The following CTNNA3 variants were observed in gnomAD, a reference collection of about 807,000 sequenced individuals.
CTNNA3 encodes the protein catenin alpha 3.
In CTNNA3, 76 loss-of-function variants were observed where a neutral mutation model predicts 95.7. That is an observed-to-expected ratio of 0.79 (90% confidence interval 0.66 to 0.96). The LOEUF is 0.96. Ranked by LOEUF, CTNNA3 falls within the 40% of genes least tolerant of loss-of-function variation. The probability of loss-of-function intolerance (pLI) is 0.00; values close to 1 mark genes in which losing one functional copy is unlikely to be tolerated. For missense variants in CTNNA3, 1,191 were observed against 1,089.8 expected (o/e 1.09, Z -1.31); for synonymous variants, 431 against 374.4 (o/e 1.15, Z -1.74).
intron 3 of CTNNA3, among the ~76,000 whole-genome samples, chr10:67,601,662 C>T (rs1488090238): frequency 6.6e-6 from 1 of 152,150 alleles, no homozygotes; most frequent in East Asian, 1.9e-4. Context: ...ACAACTCTTA[C>T]CTAATTCCTG....
At chr10:67,421,227 A>T (rs779461641) in intron 5 of CTNNA3, among the ~76,000 whole-genome samples, 6 of 152,194 alleles carry the variant, frequency 3.9e-5, no homozygotes, top group Non-Finnish European at 8.8e-5. Flanking sequence ...AATTTGAAAT[A>T]TGTCTGCTAC....
intron 9 of CTNNA3, among the ~76,000 whole-genome samples, chr10:66,723,517 G>C (rs1326237353): frequency 1.3e-5 from 2 of 152,174 alleles, no homozygotes; most frequent in African/African-American, 4.8e-5. Flanking sequence ...CTAAATGCCA[G>C]TTCACTGCAC....
intron 7 of CTNNA3, among the ~76,000 whole-genome samples, chr10:66,789,691 A>T (rs1458595162): frequency 6.6e-6 from 1 of 152,172 alleles, no homozygotes; most frequent in Non-Finnish European, 1.5e-5. Context: ...AATTAATAGA[A>T]TATTTTCCAT....
intron 1 of CTNNA3, among the ~76,000 whole-genome samples, chr10:67,648,418 T>C (rs2133484497): frequency 6.6e-6 from 1 of 152,318 alleles, no homozygotes; most frequent in Admixed American, 6.5e-5. Flanking sequence ...CTTCCTGAAA[T>C]GTAGCACATT....
At chr10:66,468,941 ATAAATAG>A (rs1163597725) in intron 11 of CTNNA3, among the ~76,000 whole-genome samples, 1 of 151,914 alleles carries the variant, frequency 6.6e-6, no homozygotes, top group Non-Finnish European at 1.5e-5. Context: ...TTTGACTATT[ATAAATAG>A]TACTGTAATG....
In CTNNA3 at chr10:67,260,827, G is replaced by T. The variant is rs759972477; in HGVS notation, c.580-40957C>A. ...AGCCTCCTGAGTAGCTGGGATTACA[G>T]GCATGTGCCACCACACCCGGCTAAT... On this transcript the variant is annotated intron_variant, in intron 5 of 17. Coordinates refer to ENST00000433211, the MANE Select transcript of CTNNA3 (RefSeq NM_013266.4). Among the ~76,000 whole-genome samples the T allele has an allele frequency of 2.0e-5, 3 of 152,020 alleles. No individual in the cohort carries two copies. The East Asian group carries it at 5.8e-4, about 29-fold the overall frequency.
intron 1 of CTNNA3, among the ~76,000 whole-genome samples, chr10:67,730,712 G>A (rs1841269321): frequency 6.6e-6 from 1 of 151,962 alleles, no homozygotes; most frequent in Non-Finnish European, 1.5e-5. Context: ...AGGAGGGAGA[G>A]AGGAAGAAAA....
At chr10:65,970,753 C>T (rs1344487237) in intron 16 of CTNNA3, among the ~76,000 whole-genome samples, 1 of 148,606 alleles carries the variant, frequency 6.7e-6, no homozygotes, top group Non-Finnish European at 1.5e-5. Flanking sequence ...AGACTTTAAA[C>T]CAACAACAGT....
intron 3 of CTNNA3, among the ~76,000 whole-genome samples, chr10:67,564,781 A>C (rs1388856185): frequency 8.9e-6 from 1 of 112,608 alleles, no homozygotes; most frequent in Non-Finnish European, 1.7e-5. Context: ...CAATCAATAA[A>C]ACCTGATACA....
At chr10:66,376,865 A>T (rs181020020) in intron 12 of CTNNA3, among the ~76,000 whole-genome samples, 2 of 152,194 alleles carry the variant, frequency 1.3e-5, no homozygotes, top group Non-Finnish European at 2.9e-5. Flanking sequence ...ATTTATAACT[A>T]ATAAGTCCAA....
chr10:67,469,439 G>C (rs551710945), intron 5 of CTNNA3, among the ~76,000 whole-genome samples: 1 of 152,204 alleles, frequency 6.6e-6, no homozygotes, highest in African/African-American at 2.4e-5. Context: ...TTTTAAGGAT[G>C]AGTTCATGTC....
chr10:67,065,981 G>A (rs1026980112), intron 7 of CTNNA3, among the ~76,000 whole-genome samples: 5 of 151,914 alleles, frequency 3.3e-5, no homozygotes, highest in African/African-American at 1.2e-4. Context: ...TGTCAACTAT[G>A]ATTGTCATAT....
chr10:67,355,752 T>C (rs1046071746), intron 5 of CTNNA3, among the ~76,000 whole-genome samples: 1 of 152,070 alleles, frequency 6.6e-6, no homozygotes, highest in African/African-American at 2.4e-5. Context: ...CTATCATCGT[T>C]TTCAAACCGT....
chr10:67,725,410 C>T (rs1054802132), intron 1 of CTNNA3, among the ~76,000 whole-genome samples: 1 of 152,084 alleles, frequency 6.6e-6, no homozygotes, highest in Admixed American at 6.6e-5. Flanking sequence ...ATCTCCTGAC[C>T]TCGTGATTCG....
intron 9 of CTNNA3, among the ~76,000 whole-genome samples, chr10:66,690,981 A>G (rs1847506553): frequency 6.6e-6 from 1 of 152,180 alleles, no homozygotes; most frequent in Non-Finnish European, 1.5e-5. Context: ...CTCTCCAGCC[A>G]AGATGGCCGA....
chr10:66,186,866 T>G (rs1456457351), intron 13 of CTNNA3, among the ~76,000 whole-genome samples: 1 of 152,164 alleles, frequency 6.6e-6, no homozygotes, highest in African/African-American at 2.4e-5. Flanking sequence ...TTTAGGACTC[T>G]GGAGATTAAG....
chr10:66,426,729 G>C (rs1018644417), intron 11 of CTNNA3, among the ~76,000 whole-genome samples: 5 of 150,690 alleles, frequency 3.3e-5, no homozygotes, highest in African/African-American at 1.2e-4. Flanking sequence ...TTATTGACCT[G>C]TTTGGCCCTC....
intron 7 of CTNNA3, among the ~76,000 whole-genome samples, chr10:66,923,783 T>C (rs1046523430): frequency 2.0e-5 from 3 of 152,194 alleles, no homozygotes; most frequent in African/African-American, 7.2e-5. Context: ...ACTGAGGAAA[T>C]TTTCAGGACT....
rs180746091 is a variant in CTNNA3, at chr10:67,562,744, C to T, written c.293-23075G>A. On this transcript the variant is annotated intron_variant, in intron 3 of 17. Coordinates refer to ENST00000433211, the MANE Select transcript of CTNNA3 (RefSeq NM_013266.4). ...TGATAGTATATCTAGAAAACCCCAT[C>T]ATCTCAGCCCAAAATCTCCTTAAGC... Among the ~76,000 whole-genome samples, 57 of 152,244 alleles carry T rather than the reference C, an allele frequency of 3.7e-4. 1 individual carries two copies. In the East Asian group the frequency reaches 7.7e-3, roughly 21 times the overall value.
Sources: allele counts gnomAD v4.1 joint callset (sites outside exome capture counted in the v4.1 genomes callset), GRCh38; gene constraint gnomAD v4.1.1; transcripts MANE v1.5; gene names NCBI Gene and HGNC (gene_info 2026-07-23, HGNC 2026-07-21).